The following SLC26A5 variants were observed in gnomAD, a reference collection of about 807,000 sequenced individuals.
The protein encoded by SLC26A5 is solute carrier family 26 member 5.
SLC26A5 carries 51 observed loss-of-function variants against 81.0 expected under a neutral mutation model. The ratio of observed to expected loss-of-function variants is 0.63; its 90% CI spans 0.50 to 0.80. The LOEUF (loss-of-function observed/expected upper bound fraction) is 0.80, where lower values mean the gene tolerates loss of function less well. SLC26A5 is among the 30% of genes least tolerant of loss of function. SLC26A5 has a pLI of 0.00. For synonymous variants in SLC26A5, 325 were observed against 332.8 expected (o/e 0.98, Z 0.25); for missense variants, 771 against 905.8 (o/e 0.85, Z 1.91).
intron 19 of SLC26A5, chr7:103,363,336 T>C: frequency 6.2e-7 from 1 of 1,606,018 alleles, no homozygotes; most frequent in African/African-American, 1.3e-5. Flanking sequence ...TTTCTGTCCC[T>C]CTCTTAGGTG....
At chr7:103,445,441 C>A (rs1050181664) in intron 1 of SLC26A5, 1 of 152,324 alleles carries the variant, frequency 6.6e-6, no homozygotes, top group Admixed American at 6.5e-5. Flanking sequence ...GGCAGAGCAC[C>A]TGCCGCGATG....
Position 103,410,535 on chromosome 7 carries a change from G to A in SLC26A5, c.585C>T (p.Val195=), listed in dbSNP as rs145693177. Residue 195 remains valine (V), a synonymous_variant, in exon 7 of 20, where the codon GTC becomes GTT. Coordinates refer to ENST00000306312, the MANE Select transcript of SLC26A5 (RefSeq NM_198999.3). ...ATATGGCCACAAATCCAAACCTACA[G>A]ACACCTAGGCAAAACTATTTTTTTT... is the stretch of plus-strand genomic sequence containing the variant. ...LSGIIQFCLG[V]CRFGFVAIYL... is the part of the protein sequence containing the mutation. 17 of 1,613,376 alleles carry A rather than the reference G, an allele frequency of 1.1e-5. No individual in the cohort carries two copies. In the East Asian group the frequency reaches 3.1e-4, roughly 30 times the overall value.
intron 17 of SLC26A5, 115 bp downstream of exon 17, chr7:103,378,331 C>A (rs948847207): frequency 8.3e-5 from 87 of 1,042,182 alleles, no homozygotes; most frequent in Admixed American, 7.4e-5. Context: ...AAGGTGGTTT[C>A]TAAACTTTCC....
At chr7:103,371,401 T>C (rs1436067024), downstream of SLC26A5, among the ~76,000 whole-genome samples, 3 of 151,290 alleles carry the variant, frequency 2.0e-5, no homozygotes, top group Admixed American at 1.3e-4. Context: ...CTCGGCTCAC[T>C]GCAAGCTCCG....
intron 19 of SLC26A5, chr7:103,355,814 G>T (rs1433244516): frequency 6.5e-6 from 10 of 1,534,652 alleles, no homozygotes; most frequent in Non-Finnish European, 9.0e-6. Context: ...GTGCTCTGTG[G>T]CAACTTACCT....
intron 2 of SLC26A5, among the ~76,000 whole-genome samples, chr7:103,440,225 A>C (rs1302340849): frequency 6.6e-6 from 1 of 152,250 alleles, no homozygotes; most frequent in Admixed American, 6.5e-5. Flanking sequence ...ATAATAAAGC[A>C]AGAAAGGAAG....
At chr7:103,356,676 T>G (rs1208852579) in intron 19 of SLC26A5, among the ~76,000 whole-genome samples, 1 of 152,250 alleles carries the variant, frequency 6.6e-6, no homozygotes, top group South Asian at 2.1e-4. Context: ...GTTCATATAT[T>G]GTACATATTG....
At position 103,400,629 on chromosome 7, in the gene SLC26A5, G is replaced by T. The variant is rs531115320; in HGVS notation, c.889-2615C>A. Among the ~76,000 whole-genome samples the T allele has an allele frequency of 2.0e-5, 3 of 152,312 alleles. No individual in the cohort carries two copies. The East Asian group carries it at 5.8e-4, about 29-fold the overall frequency. ...CCATTGCTTTTGGTGTTTTAGTCAT[G>T]AAGTCTTTGCCCATGCCTATGTCCT... is the stretch of plus-strand genomic sequence containing the variant. On this transcript the variant is annotated intron_variant, in intron 8 of 19. Coordinates refer to ENST00000306312, the MANE Select transcript of SLC26A5 (RefSeq NM_198999.3).
Position 103,389,114 on chromosome 7 carries a change from T to G in SLC26A5, c.1408A>C (p.Thr470Pro), listed in dbSNP as rs1445381645. The G allele has an allele frequency of 3.1e-6, 5 of 1,609,024 alleles. No individual in the cohort carries two copies. The highest frequency in any genetic ancestry group is 4.3e-6 in the Non-Finnish European group (5 of 1,175,692). Residue 470 changes from threonine to proline, a missense_variant and splice_region_variant, in exon 14 of 20, where the codon ACC (threonine) becomes CCC (proline). Physicochemically the swap from Thr to Pro is conservative, Grantham distance 38 (BLOSUM62 -1). Transcript: ENST00000306312. ...GACACAAAAGTGGTAAGCCAGATGGTCTAAGCAAAAGACAGAAAACTTGAT... is the reference window on the plus strand; with the variant it reads ...GACACAAAAGTGGTAAGCCAGATGGGCTAAGCAAAAGACAGAAAACTTGAT... ...FFWRTSKIELTIWLTTFVSSL... is the reference protein window; with the variant it reads ...FFWRTSKIELPIWLTTFVSSL...
chr7:103,355,583 T>A (rs1222496465), intron 19 of SLC26A5: 7 of 775,594 alleles, frequency 9.0e-6, no homozygotes. Flanking sequence ...CACATGATAG[T>A]CCTCACAATG....
At chr7:103,365,943 TA>T in intron 19 of SLC26A5, 1 of 726,558 alleles carries the variant, frequency 1.4e-6, no homozygotes, top group Middle Eastern at 4.1e-4. Flanking sequence ...AATAAAAAAA[TA>T]AAAAACGTTT....
downstream of SLC26A5, among the ~76,000 whole-genome samples, chr7:103,369,661 C>G (rs931246301): frequency 6.6e-6 from 1 of 152,146 alleles, no homozygotes; most frequent in Non-Finnish European, 1.5e-5. Context: ...AGAGATGAAA[C>G]AGACATTTAC....
intron 11 of SLC26A5, among the ~76,000 whole-genome samples, chr7:103,391,400 C>T (rs946247547): frequency 6.6e-6 from 1 of 152,170 alleles, no homozygotes; most frequent in Non-Finnish European, 1.5e-5. Flanking sequence ...CCGAGTGTTG[C>T]ATAACTTTCC....
chr7:103,377,671 G>A lies in SLC26A5; in HGVS notation c.1914C>T (p.Asn638=), dbSNP rs773424722. The stretch of plus-strand genomic sequence containing the variant: ...TGAAATCCAAAATGACAGTGTGGAC[G>A]TTATCCCCTGGGGGCATAAATCTTT... The part of the protein sequence containing the change: ...EMQRFMPPGD[N]VHTVILDFTQ... Residue 638 remains asparagine, a synonymous_variant, in exon 18 of 20, where the codon AAC becomes AAT. Transcript: ENST00000306312. The A allele has an allele frequency of 5.0e-5, 80 of 1,613,952 alleles. No homozygotes were observed. The highest frequency in any genetic ancestry group is 1.1e-4 in the East Asian group (5 of 44,884).
chr7:103,412,890 C>T, intron 5 of SLC26A5, 112 bp downstream of exon 5: 1 of 832,336 alleles, frequency 1.2e-6, no homozygotes, highest in Admixed American at 2.0e-5. Flanking sequence ...TATGCAGTAA[C>T]AAAAGTTGTT....
chr7:103,397,103 A>G lies in SLC26A5; in HGVS notation c.971+829T>C, dbSNP rs369961782. On this transcript the variant is annotated intron_variant, in intron 9 of 19. Transcript: ENST00000306312. ...GAGTGAGACTCGGTCTCAAAAAAAA[A>G]GAAAAAAAAAAAAAGCCAAGCACAG... Among the ~76,000 whole-genome samples the G allele has an allele frequency of 2.9e-3, 332 of 113,960 alleles. 2 individuals carry two copies. The highest frequency in any genetic ancestry group is 5.3e-3 in the African/African-American group (182 of 34,142). 74.8% of individuals were successfully genotyped at this position (113,960 alleles called of 152,430 possible).
intron 2 of SLC26A5, among the ~76,000 whole-genome samples, chr7:103,429,677 T>G (rs752909680): frequency 2.6e-5 from 4 of 152,210 alleles, no homozygotes; most frequent in Non-Finnish European, 5.9e-5. Flanking sequence ...GCTCAATATG[T>G]AGAAAGAGCA....
intron 15 of SLC26A5, among the ~76,000 whole-genome samples, chr7:103,380,167 A>G (rs1159145479): frequency 6.6e-6 from 1 of 152,198 alleles, no homozygotes; most frequent in Non-Finnish European, 1.5e-5. Flanking sequence ...TTACCATTAT[A>G]CATTCATCAG....
At chr7:103,442,491 C>T (rs924661505) in intron 2 of SLC26A5, among the ~76,000 whole-genome samples, 2 of 152,078 alleles carry the variant, frequency 1.3e-5, no homozygotes, top group Non-Finnish European at 2.9e-5. Context: ...AGGGAGGGGA[C>T]AGGTCTTTTT....
Sources: allele counts gnomAD v4.1 joint callset (sites outside exome capture counted in the v4.1 genomes callset), GRCh38; gene constraint gnomAD v4.1.1; transcripts MANE v1.5; gene names NCBI Gene and HGNC (gene_info 2026-07-23, HGNC 2026-07-21).